The following HPSE2 variants were observed in gnomAD, a reference collection of about 807,000 sequenced individuals.
The protein encoded by HPSE2 is heparanase 2 (inactive).
Under a neutral mutation model 60.5 loss-of-function variants are expected in HPSE2, and 38 were observed. That is an observed-to-expected ratio of 0.63 (90% CI 0.48 to 0.82). HPSE2 has a LOEUF of 0.82. Among genes scored for constraint, HPSE2 ranks in the 40% least tolerant of loss-of-function variants. The pLI, the probability that HPSE2 is intolerant of heterozygous loss-of-function variation, is 0.00. For missense variants in HPSE2, 713 were observed against 740.4 expected, an observed-to-expected ratio of 0.96 and a Z score of 0.43; for synonymous variants, 295 against 293.2, an observed-to-expected ratio of 1.01 and a Z score of -0.06.
intron 3 of HPSE2, among the ~76,000 whole-genome samples, chr10:99,059,279 TACCCAGA>T (rs1564772903): frequency 6.6e-6 from 1 of 152,204 alleles, no homozygotes; most frequent in Non-Finnish European, 1.5e-5. Context: ...CATGGTATCT[TACCCAGA>T]ATAGATTTTT....
intron 3 of HPSE2, among the ~76,000 whole-genome samples, chr10:98,990,485 T>C (rs892437823): frequency 2.6e-5 from 4 of 152,204 alleles, no homozygotes; most frequent in Admixed American, 6.5e-5. Flanking sequence ...TAAATAAAGA[T>C]GAAGCTTCGC....
the HPSE2 span, among the ~76,000 whole-genome samples, chr10:99,287,198 G>GA: frequency 6.6e-6 from 1 of 152,028 alleles, no homozygotes; most frequent in African/African-American, 2.4e-5. Flanking sequence ...TGCCAAGAAG[G>GA]AATCAGACAT....
At chr10:98,981,154 C>G (rs1341193854) in intron 3 of HPSE2, among the ~76,000 whole-genome samples, 3 of 152,132 alleles carry the variant, frequency 2.0e-5, no homozygotes, top group Non-Finnish European at 4.4e-5. Flanking sequence ...CAACTCTACA[C>G]TTATATAACC....
At chr10:98,758,714 C>T (rs1271261129) in intron 3 of HPSE2, among the ~76,000 whole-genome samples, 1 of 152,046 alleles carries the variant, frequency 6.6e-6, no homozygotes, top group African/African-American at 2.4e-5. Flanking sequence ...CGGAGAAAAA[C>T]GAATGCGTAT....
chr10:98,842,195 G>C (rs184834142), intron 3 of HPSE2, among the ~76,000 whole-genome samples: 61 of 152,300 alleles, frequency 4.0e-4, no homozygotes, highest in African/African-American at 1.4e-3. Context: ...GTAATTTCTT[G>C]AGTATCTGTT....
At chr10:98,725,634 C>G (rs1949054372) in intron 4 of HPSE2, among the ~76,000 whole-genome samples, 1 of 152,140 alleles carries the variant, frequency 6.6e-6, no homozygotes, top group African/African-American at 2.4e-5. Context: ...CCAAAATTGA[C>G]AAATGGGATC....
chr10:99,178,727 C>A (rs752772730), intron 2 of HPSE2, among the ~76,000 whole-genome samples: 2 of 152,144 alleles, frequency 1.3e-5, no homozygotes, highest in Non-Finnish European at 1.5e-5. Context: ...TGAAACTATT[C>A]CAAACAACAG....
chr10:98,859,229 G>A (rs1952393864), intron 3 of HPSE2, among the ~76,000 whole-genome samples: 2 of 152,178 alleles, frequency 1.3e-5, no homozygotes, highest in East Asian at 1.9e-4. Context: ...GCAAAGTTGA[G>A]TAGTTTTGAC....
At chr10:98,773,895 A>G (rs565017604) in intron 3 of HPSE2, among the ~76,000 whole-genome samples, 1 of 152,256 alleles carries the variant, frequency 6.6e-6, no homozygotes, top group South Asian at 2.1e-4. Flanking sequence ...ATCTCTACAA[A>G]AAATTTTAAA....
intron 3 of HPSE2, among the ~76,000 whole-genome samples, chr10:98,986,820 G>A (rs1417071558): frequency 9.9e-5 from 15 of 151,790 alleles, no homozygotes; most frequent in East Asian, 1.9e-4. Flanking sequence ...TATCACCACC[G>A]ATCCCACAGA....
chr10:98,796,601 C>T (rs1026091976), intron 3 of HPSE2, among the ~76,000 whole-genome samples: 9 of 152,210 alleles, frequency 5.9e-5, no homozygotes, highest in African/African-American at 2.2e-4. Context: ...GAGGAACTTG[C>T]TGCCTTGAGG....
intron 3 of HPSE2, among the ~76,000 whole-genome samples, chr10:99,072,162 C>A (rs1842812363): frequency 2.6e-5 from 4 of 151,938 alleles, no homozygotes; most frequent in Non-Finnish European, 5.9e-5. Flanking sequence ...GTAGAGACTG[C>A]ATTGGGTAGT....
At chr10:98,869,400 T>C (rs1379739217) in intron 3 of HPSE2, among the ~76,000 whole-genome samples, 2 of 152,172 alleles carry the variant, frequency 1.3e-5, no homozygotes, top group African/African-American at 2.4e-5. Context: ...CCCTTTAAAG[T>C]AGTTCTTATG....
chr10:98,511,617 CGTGT>C (rs1942409930), intron 9 of HPSE2, among the ~76,000 whole-genome samples: 1 of 115,140 alleles, frequency 8.7e-6, no homozygotes, highest in East Asian at 2.8e-4. Flanking sequence ...TGTGTGCGCA[CGTGT>C]GTGTTGGGAA....
intron 3 of HPSE2, among the ~76,000 whole-genome samples, chr10:98,984,867 G>A (rs542356128): frequency 3.9e-5 from 6 of 152,278 alleles, no homozygotes; most frequent in East Asian, 1.9e-4. Context: ...TAGCCAATTC[G>A]ATCAACTGGA....
intron 3 of HPSE2, among the ~76,000 whole-genome samples, chr10:98,788,539 C>A (rs1950581564): frequency 1.3e-5 from 2 of 151,622 alleles, no homozygotes; most frequent in South Asian, 4.2e-4. Context: ...CGCCCCTCCC[C>A]CAGCCTCGTT....
At chr10:98,924,567 C>T (rs1231595486) in intron 3 of HPSE2, 2 of 152,242 alleles carry the variant, frequency 1.3e-5, no homozygotes, top group Non-Finnish European at 2.9e-5. Flanking sequence ...ATTCTTCCCT[C>T]CCCTTTCCAC....
At chr10:98,764,889 A>G (rs1330224488) in intron 3 of HPSE2, among the ~76,000 whole-genome samples, 1 of 152,104 alleles carries the variant, frequency 6.6e-6, no homozygotes, top group African/African-American at 2.4e-5. Context: ...AACAAACAAA[A>G]AAACTAGAGT....
intron 9 of HPSE2, among the ~76,000 whole-genome samples, chr10:98,548,343 GC>G (rs1240803274): frequency 6.6e-6 from 1 of 152,126 alleles, no homozygotes; most frequent in Non-Finnish European, 1.5e-5. Context: ...GAGACTGGGT[GC>G]GGTGGCTCAC....
Sources: allele counts gnomAD v4.1 joint callset (sites outside exome capture counted in the v4.1 genomes callset), GRCh38; gene constraint gnomAD v4.1.1; transcripts MANE v1.5; gene names NCBI Gene and HGNC (gene_info 2026-07-23, HGNC 2026-07-21).